Variants in BAIAP2 observed in about 807,000 individuals in gnomAD.
The protein encoded by BAIAP2 is BAR/IMD domain containing adaptor protein 2.
A neutral mutation model predicts 63.0 loss-of-function variants in BAIAP2; 18 were observed. The ratio of observed to expected loss-of-function variants is 0.29; its 90% CI spans 0.20 to 0.42. The LOEUF is 0.42. Ranked by LOEUF, BAIAP2 falls within the 10% of genes least tolerant of loss-of-function variation. The pLI is 1.00. For synonymous variants in BAIAP2, 386 were observed against 307.6 expected, an observed-to-expected ratio of 1.25 and a Z score of -2.67; for missense variants, 610 against 734.3, an observed-to-expected ratio of 0.83 and a Z score of 1.96.
intron 2 of BAIAP2, among the ~76,000 whole-genome samples, chr17:81,056,708 G>A (rs1022193659): frequency 6.6e-6 from 1 of 152,250 alleles, no homozygotes; most frequent in Admixed American, 6.5e-5. Context: ...TCCTGCTCCT[G>A]CTTTTCTTGA....
chr17:81,074,072 C>G (rs530663517), intron 3 of BAIAP2, among the ~76,000 whole-genome samples: 2 of 152,224 alleles, frequency 1.3e-5, no homozygotes, highest in South Asian at 2.1e-4. Context: ...TCAATGGCAT[C>G]GTCGGGCCAT....
At position 81,066,284 on chromosome 17, in the gene BAIAP2, G is replaced by A. The variant is rs60657765; in HGVS notation, c.217+8317G>A. Among the ~76,000 whole-genome samples, 113 of 152,374 alleles carry A rather than the reference G, an allele frequency of 7.4e-4. 1 individual carries two copies. The East Asian group carries it at 0.02, about 28-fold the overall frequency. On this transcript the variant is annotated intron_variant, in intron 3 of 13. Coordinates refer to ENST00000428708, the MANE Select transcript of BAIAP2 (RefSeq NM_001144888.2). The stretch of plus-strand genomic sequence containing the variant: ...CTGCCCGGCATCCCCAGGTGCCCGG[G>A]AGAGTGGCAGGAGCTCCCTGTTGGG...
intron 1 of BAIAP2, among the ~76,000 whole-genome samples, chr17:81,052,200 C>G (rs896879637): frequency 6.6e-6 from 1 of 152,236 alleles, no homozygotes; most frequent in African/African-American, 2.4e-5. Flanking sequence ...CCTGGTCTGC[C>G]CACTGCTCTC....
intron 6 of BAIAP2, among the ~76,000 whole-genome samples, chr17:81,098,996 C>A (rs937708122): frequency 1.6e-5 from 1 of 60,844 alleles, no homozygotes; most frequent in South Asian, 8.1e-4. Flanking sequence ...ATCCCCCCAT[C>A]CCCCCATCCC....
intron 6 of BAIAP2, among the ~76,000 whole-genome samples, chr17:81,093,677 C>G (rs1178076128): frequency 3.3e-5 from 5 of 152,130 alleles, no homozygotes; most frequent in Non-Finnish European, 7.4e-5. Context: ...CCAGGATCCC[C>G]CCTCCGGCTG....
chr17:81,104,975 C>T (rs1187574147), intron 10 of BAIAP2: 1 of 444,480 alleles, frequency 2.2e-6, no homozygotes, highest in South Asian at 2.9e-5. Context: ...CTCCCCCCAA[C>T]AGCAGGGATC....
intron 2 of BAIAP2, among the ~76,000 whole-genome samples, chr17:81,055,550 C>T (rs1206649100): frequency 1.4e-5 from 1 of 70,682 alleles, no homozygotes; most frequent in Non-Finnish European, 3.0e-5. Context: ...GTCCTTCCTC[C>T]AGCGAAAGTC....
chr17:81,053,497 T>A (rs1416985204), intron 1 of BAIAP2, 171 bp from the exon 2 acceptor site: 1 of 678,440 alleles, frequency 1.5e-6, no homozygotes, highest in Admixed American at 2.6e-5. Flanking sequence ...CCCAAGGACA[T>A]TGATCAGGGG....
chr17:81,069,167 C>T (rs1262347064), intron 3 of BAIAP2, among the ~76,000 whole-genome samples: 1 of 152,188 alleles, frequency 6.6e-6, no homozygotes, highest in African/African-American at 2.4e-5. Context: ...GGTGGGTCCA[C>T]GGGCATTCGT....
At position 81,106,858 on chromosome 17, in the gene BAIAP2, G is replaced by T; in HGVS notation, c.1451G>T (p.Ser484Ile). ...CGGGCCTTCCCCGCCCAGACGGCCA[G>T]CGGCTTCAAGCAGAGGCCCTACAGT... ...ASRAFPAQTASGFKQRPYSVA... is the reference protein window; with the variant it reads ...ASRAFPAQTAIGFKQRPYSVA... The change falls in exon 12 of 14, where the codon AGC becomes ATC. Residue 484 changes from serine (S) to isoleucine (I), a missense_variant. Physicochemically the swap from Ser to Ile is moderately radical, Grantham distance 142 (BLOSUM62 -2). Around this residue, in one of 5 missense-constraint regions of BAIAP2, gnomAD observed 114 missense variants for 98.2 expected, o/e 1.16. Coordinates refer to ENST00000428708, the MANE Select transcript of BAIAP2 (RefSeq NM_001144888.2). The T allele has an allele frequency of 1.9e-6, 3 of 1,606,358 alleles. No individual in the cohort carries two copies. The South Asian group carries it at 3.3e-5, about 18-fold the overall frequency.
At chr17:81,080,531 G>A (rs748782868) in intron 3 of BAIAP2, among the ~76,000 whole-genome samples, 1 of 152,292 alleles carries the variant, frequency 6.6e-6, no homozygotes, top group Non-Finnish European at 1.5e-5. Flanking sequence ...GGTGATGACC[G>A]TCACCTGGCC....
At position 81,106,857 on chromosome 17, in the gene BAIAP2, A is replaced by T; in HGVS notation, c.1450A>T (p.Ser484Cys). 6.2e-7 allele frequency: 1 copy of T among 1,606,210 alleles called. No individual in the cohort carries two copies. The highest frequency in any genetic ancestry group is 8.5e-7 in the Non-Finnish European group (1 of 1,176,652). Residue 484 changes from serine to cysteine, a missense_variant, in exon 12 of 14, where the codon AGC becomes TGC. Physicochemically the swap from Ser to Cys is moderately radical, Grantham distance 112 (BLOSUM62 -1). This residue lies in a region of BAIAP2 where 114 missense variants were observed against 98.2 expected (regional missense o/e 1.16). Transcript: ENST00000428708. ...CCGGGCCTTCCCCGCCCAGACGGCC[A>T]GCGGCTTCAAGCAGAGGCCCTACAG... Reference protein sequence around the residue: ...ASRAFPAQTASGFKQRPYSVA... With the variant: ...ASRAFPAQTACGFKQRPYSVA...
intron 2 of BAIAP2, chr17:81,057,666 G>A (rs1475081570): frequency 5.9e-6 from 8 of 1,348,496 alleles, no homozygotes; most frequent in African/African-American, 1.5e-5. Flanking sequence ...GTGTTCTTAC[G>A]AGTCAAGGGA....
chr17:81,041,542 GTTTT>G lies in BAIAP2; in HGVS notation c.54+6237_54+6240del, dbSNP rs1286320292. ...TCTTATAATTGGGTAGTGTTTTTTC[GTTTT>G]TTGTTTGTTTTTTGTTTTTTCTGTT... On this transcript the variant is annotated intron_variant, in intron 1 of 13. Coordinates refer to ENST00000428708, the MANE Select transcript of BAIAP2 (RefSeq NM_001144888.2). Among the ~76,000 whole-genome samples the G allele has an allele frequency of 5.9e-5, 9 of 152,116 alleles. No individual in the cohort carries two copies. In the South Asian group the frequency reaches 1.9e-3, roughly 32 times the overall value.
At chr17:81,056,551 G>C (rs2049594987) in intron 2 of BAIAP2, 1 of 152,302 alleles carries the variant, frequency 6.6e-6, no homozygotes, top group Non-Finnish European at 1.5e-5. Context: ...TGCGGTGGGG[G>C]CCGGGGCCTG....
chr17:81,072,432 C>G (rs2052857110), intron 3 of BAIAP2, among the ~76,000 whole-genome samples: 1 of 152,232 alleles, frequency 6.6e-6, no homozygotes, highest in Admixed American at 6.5e-5. Context: ...GGAAAACTCT[C>G]CTGCCCTGTT....
chr17:81,115,107 C>G (rs1481605488), intron 13 of BAIAP2, among the ~76,000 whole-genome samples: 1 of 152,198 alleles, frequency 6.6e-6, no homozygotes, highest in Non-Finnish European at 1.5e-5. Flanking sequence ...AACTTCTTGT[C>G]TTGAGTCGTA....
chr17:81,096,916 C>T (rs1023879684), intron 6 of BAIAP2, among the ~76,000 whole-genome samples: 1 of 152,188 alleles, frequency 6.6e-6, no homozygotes, highest in Non-Finnish European at 1.5e-5. Context: ...GTACTTCGCG[C>T]TCCAGCTGTG....
chr17:81,055,629 T>A (rs1296271049), intron 2 of BAIAP2, among the ~76,000 whole-genome samples: 1 of 140,160 alleles, frequency 7.1e-6, no homozygotes, highest in Non-Finnish European at 1.5e-5. Context: ...GCAGTGGCGC[T>A]ATCTTGGCTC....
Sources: gnomAD v4.1 joint callset for allele counts (sites outside exome capture counted in the v4.1 genomes callset) on GRCh38, gnomAD v4.1.1 for gene constraint, gnomAD v4.1.1 regional missense constraint, MANE v1.5 for transcripts, NCBI Gene and HGNC (gene_info 2026-07-23, HGNC 2026-07-21) for gene names.